CNTN5: variants seen among roughly 807,000 people sequenced by gnomAD.
CNTN5 encodes contactin 5.
CNTN5 carries 77 observed loss-of-function variants against 129.1 expected under a neutral mutation model. The ratio of observed to expected loss-of-function variants is 0.60; its 90% CI spans 0.50 to 0.72. CNTN5 has a LOEUF of 0.72. Ranked by LOEUF, CNTN5 falls within the 30% of genes least tolerant of loss-of-function variation. The pLI is 0.00. For synonymous variants in CNTN5, 509 were observed against 465.6 expected (o/e 1.09, Z -1.20); for missense variants, 1,478 against 1,328.8 (o/e 1.11, Z -1.75).
intron 2 of CNTN5, among the ~76,000 whole-genome samples, chr11:99,427,197 T>C (rs1293254532): frequency 6.6e-6 from 1 of 152,206 alleles, no homozygotes; most frequent in Non-Finnish European, 1.5e-5. Flanking sequence ...TCCTGAATCG[T>C]AAGTGAAGGT....
intron 8 of CNTN5, among the ~76,000 whole-genome samples, chr11:99,987,833 G>C (rs1356865569): frequency 6.6e-6 from 1 of 152,168 alleles, no homozygotes; most frequent in East Asian, 1.9e-4. Flanking sequence ...TTTGGAGGGG[G>C]TTACATAATT....
intron 16 of CNTN5, among the ~76,000 whole-genome samples, chr11:100,245,523 A>C (rs1038880684): frequency 1.3e-5 from 2 of 152,168 alleles, no homozygotes; most frequent in South Asian, 4.1e-4. Context: ...CAGAGGGGTT[A>C]AGTCCTTATA....
chr11:100,131,955 G>T, intron 13 of CNTN5, among the ~76,000 whole-genome samples: 1 of 152,060 alleles, frequency 6.6e-6, no homozygotes, highest in East Asian at 1.9e-4. Context: ...AAGGAGAAAG[G>T]TAGGGCGGGG....
chr11:99,382,675 C>T (rs1940642223), intron 2 of CNTN5, among the ~76,000 whole-genome samples: 1 of 151,820 alleles, frequency 6.6e-6, no homozygotes, highest in African/African-American at 2.4e-5. Context: ...ATGACACAAT[C>T]AGAGACAGGT....
chr11:100,322,443 C>T (rs1951714144), intron 21 of CNTN5, among the ~76,000 whole-genome samples: 1 of 152,088 alleles, frequency 6.6e-6, no homozygotes, highest in Non-Finnish European at 1.5e-5. Flanking sequence ...AGGATGGTCT[C>T]GATCTCCTGA....
intron 7 of CNTN5, among the ~76,000 whole-genome samples, chr11:99,925,718 GT>G (rs944733447): frequency 2.5e-4 from 37 of 148,768 alleles, no homozygotes; most frequent in Admixed American, 7.4e-4. Context: ...TGTTTTGTGG[GT>G]TTTTTTTTTC....
chr11:99,283,917 A>C lies in CNTN5; in HGVS notation c.-209-41429A>C, dbSNP rs979569017. Among the ~76,000 whole-genome samples, 54 of 152,274 alleles carry C rather than the reference A, an allele frequency of 3.5e-4. 1 individual carries two copies. Among genetic ancestry groups the C allele is most frequent in the African/African-American group, 1.2e-3 (51 of 41,570 alleles). On this transcript the variant is annotated intron_variant, in intron 1 of 24. Transcript: ENST00000524871. Reference sequence around the variant, plus strand: ...AATGGTTTAAAGAAGCATGCCTCATACGAGCAGTACATTAACCTTGCAAGA... The same window carrying C: ...AATGGTTTAAAGAAGCATGCCTCATCCGAGCAGTACATTAACCTTGCAAGA...
intron 2 of CNTN5, among the ~76,000 whole-genome samples, chr11:99,478,215 T>A (rs1945456944): frequency 6.6e-6 from 1 of 152,062 alleles, no homozygotes; most frequent in Non-Finnish European, 1.5e-5. Context: ...AATGAAGGTG[T>A]CAGCTAAAAC....
intron 8 of CNTN5, among the ~76,000 whole-genome samples, chr11:99,961,504 C>T (rs895213555): frequency 6.6e-6 from 1 of 151,992 alleles, no homozygotes; most frequent in Non-Finnish European, 1.5e-5. Context: ...TGTAAGGGGT[C>T]TAAAGAAAGG....
At chr11:99,643,241 A>G (rs1591409923) in intron 3 of CNTN5, among the ~76,000 whole-genome samples, 1 of 148,342 alleles carries the variant, frequency 6.7e-6, no homozygotes, top group East Asian at 2.0e-4. Flanking sequence ...ATGTGTGTGT[A>G]GGTGTTGGTA....
intron 1 of CNTN5, among the ~76,000 whole-genome samples, chr11:99,264,426 A>G (rs1048121911): frequency 5.9e-5 from 9 of 152,136 alleles, no homozygotes; most frequent in African/African-American, 1.9e-4. Flanking sequence ...TATGGGAGGC[A>G]TTGAGTTAAA....
intron 3 of CNTN5, among the ~76,000 whole-genome samples, chr11:99,807,249 A>C (rs1946301370): frequency 6.6e-6 from 1 of 152,182 alleles, no homozygotes; most frequent in Admixed American, 6.5e-5. Flanking sequence ...CAGGAGTCTA[A>C]ATATTAAGTC....
chr11:99,964,853 A>T (rs1175065730), intron 8 of CNTN5, among the ~76,000 whole-genome samples: 2 of 152,172 alleles, frequency 1.3e-5, no homozygotes, highest in African/African-American at 2.4e-5. Context: ...TTATTGGTCT[A>T]TTCAGAGATT....
At chr11:99,688,627 C>T (rs1260723332) in intron 3 of CNTN5, among the ~76,000 whole-genome samples, 23 of 151,852 alleles carry the variant, frequency 1.5e-4, no homozygotes, top group Admixed American at 1.5e-3. Context: ...CTTTTAAGTC[C>T]AGAAATACAT....
intron 6 of CNTN5, among the ~76,000 whole-genome samples, chr11:99,846,726 C>T (rs1395996671): frequency 1.3e-5 from 2 of 151,878 alleles, no homozygotes; most frequent in African/African-American, 4.8e-5. Context: ...ACCCAGAATT[C>T]AGACACCCTA....
At chr11:99,817,561 T>G (rs1312101137) in intron 3 of CNTN5, among the ~76,000 whole-genome samples, 1 of 151,432 alleles carries the variant, frequency 6.6e-6, no homozygotes, top group African/African-American at 2.4e-5. Flanking sequence ...CACATTATCA[T>G]ACTTCACTGT....
intron 13 of CNTN5, among the ~76,000 whole-genome samples, chr11:100,089,388 A>G (rs1039735801): frequency 1.3e-5 from 2 of 152,136 alleles, no homozygotes; most frequent in Admixed American, 6.6e-5. Flanking sequence ...AATGGTTATT[A>G]TTAAAAAGTT....
intron 1 of CNTN5, among the ~76,000 whole-genome samples, chr11:99,197,510 G>T (rs1254686313): frequency 2.0e-5 from 3 of 151,954 alleles, no homozygotes; most frequent in African/African-American, 2.4e-5. Context: ...AATAATACAT[G>T]AAATAAAGCA....
intron 1 of CNTN5, among the ~76,000 whole-genome samples, chr11:99,296,447 A>G (rs1303850878): frequency 6.6e-6 from 1 of 152,222 alleles, no homozygotes; most frequent in Non-Finnish European, 1.5e-5. Context: ...ACCTGGTGAA[A>G]ATACACTGTA....
Sources: gnomAD v4.1 joint callset for allele counts (sites outside exome capture counted in the v4.1 genomes callset) on GRCh38, gnomAD v4.1.1 for gene constraint, MANE v1.5 for transcripts, NCBI Gene and HGNC (gene_info 2026-07-23, HGNC 2026-07-21) for gene names.